NBEA: variants seen among roughly 807,000 people sequenced by gnomAD.
NBEA encodes the protein neurobeachin, also known as lysosomal-trafficking regulator 2.
In NBEA, 44 loss-of-function variants were observed where a neutral mutation model predicts 343.4. The ratio of observed to expected loss-of-function variants is 0.13; its 90% confidence interval spans 0.10 to 0.16. NBEA has a LOEUF of 0.16. NBEA is among the 10% of genes least tolerant of loss of function. The pLI, the probability that NBEA is intolerant of heterozygous loss-of-function variation, is 1.00. For missense variants in NBEA, 2,555 were observed against 3,631.3 expected, an observed-to-expected ratio of 0.70 and a Z score of 7.62; for synonymous variants, 1,175 against 1,238.7, an observed-to-expected ratio of 0.95 and a Z score of 1.08.
chr13:35,011,329 A>G (rs1277884486), intron 1 of NBEA, among the ~76,000 whole-genome samples: 3 of 152,206 alleles, frequency 2.0e-5, no homozygotes, highest in Non-Finnish European at 4.4e-5. Flanking sequence ...GTAGAGGAGC[A>G]CTGAGATAAT....
intron 17 of NBEA, among the ~76,000 whole-genome samples, chr13:35,139,959 G>A (rs763531022): frequency 9.2e-5 from 14 of 151,836 alleles, no homozygotes; most frequent in Admixed American, 5.3e-4. Context: ...GGATTTCTTC[G>A]GTAGCTGAAG....
chr13:35,459,759 G>T (rs948425622), intron 40 of NBEA, among the ~76,000 whole-genome samples: 1 of 152,130 alleles, frequency 6.6e-6, no homozygotes, highest in Admixed American at 6.6e-5. Flanking sequence ...GTGGGAAGAC[G>T]AAAGAATTCA....
intron 34 of NBEA, among the ~76,000 whole-genome samples, chr13:35,287,821 C>T (rs2035534478): frequency 6.6e-6 from 1 of 151,872 alleles, no homozygotes; most frequent in African/African-American, 2.4e-5. Context: ...GACTGAATGA[C>T]ACACCTTTGG....
intron 1 of NBEA, among the ~76,000 whole-genome samples, chr13:34,995,423 GAA>G (rs35718599): frequency 2.1e-5 from 3 of 143,670 alleles, no homozygotes; most frequent in East Asian, 4.1e-4. Context: ...CCTGTCTCAA[GAA>G]AAAAAAAAAA....
At chr13:35,112,152 C>T (rs912880607) in intron 13 of NBEA, among the ~76,000 whole-genome samples, 5 of 151,164 alleles carry the variant, frequency 3.3e-5, no homozygotes, top group East Asian at 2.0e-4. Flanking sequence ...CTCCTGACCT[C>T]GTGATACACC....
intron 1 of NBEA, among the ~76,000 whole-genome samples, chr13:34,980,649 G>A (rs1215550748): frequency 2.6e-5 from 4 of 151,654 alleles, no homozygotes; most frequent in Non-Finnish European, 5.9e-5. Flanking sequence ...GTTGAATGTC[G>A]GTGATGAAAA....
chr13:35,411,618 T>C (rs562106070), intron 38 of NBEA, among the ~76,000 whole-genome samples: 1 of 150,562 alleles, frequency 6.6e-6, no homozygotes, highest in African/African-American at 2.4e-5. Flanking sequence ...CACCATGCCC[T>C]GCTAATGTTT....
rs779695857 is a variant in NBEA at position 35,668,539 on chromosome 13, A to G, written c.8813+20A>G. Reference sequence around the variant, plus strand: ...CCAGAGGTGAGCTGCGTCAAGGACAAGTATCATCACTGAGAACTGTCATTG... The same window carrying G: ...CCAGAGGTGAGCTGCGTCAAGGACAGGTATCATCACTGAGAACTGTCATTG... On this transcript the variant is annotated intron_variant, in intron 58 of 58. Coordinates refer to ENST00000379939, the MANE Select transcript of NBEA (RefSeq NM_001385012.1). 5 of 1,563,748 alleles carry G rather than the reference A, an allele frequency of 3.2e-6. No individual in the cohort carries two copies. The highest frequency in any genetic ancestry group is 2.7e-5 in the African/African-American group (2 of 72,800).
chr13:35,141,050 C>T (rs528927221), intron 17 of NBEA, among the ~76,000 whole-genome samples: 175 of 152,208 alleles, frequency 1.1e-3, no homozygotes, highest in Non-Finnish European at 1.5e-3. Context: ...TTTCTCTTCA[C>T]ATTTTATTGG....
chr13:35,475,440 C>T (rs765718562), intron 41 of NBEA: 7 of 1,613,452 alleles, frequency 4.3e-6, no homozygotes, highest in East Asian at 4.5e-5. Context: ...CCTCCGCGAA[C>T]TGCAGCACCC....
chr13:34,971,169 C>G (rs2059986460), intron 1 of NBEA, among the ~76,000 whole-genome samples: 1 of 151,946 alleles, frequency 6.6e-6, no homozygotes, highest in Non-Finnish European at 1.5e-5. Context: ...TGGTTTGGCT[C>G]TCAGTGGGAC....
chr13:35,501,508 A>G (rs1205980433), intron 41 of NBEA, among the ~76,000 whole-genome samples: 2 of 152,150 alleles, frequency 1.3e-5, no homozygotes, highest in Non-Finnish European at 2.9e-5. Context: ...AGTTTTATAA[A>G]GTCTCTGATT....
intron 41 of NBEA, among the ~76,000 whole-genome samples, chr13:35,485,108 T>A (rs975881542): frequency 6.6e-6 from 1 of 152,122 alleles, no homozygotes; most frequent in African/African-American, 2.4e-5. Flanking sequence ...TTTAAATACA[T>A]ATTACCAATT....
At chr13:35,559,245 CTCT>C (rs2079737590) in intron 44 of NBEA, among the ~76,000 whole-genome samples, 1 of 152,174 alleles carries the variant, frequency 6.6e-6, no homozygotes, top group Non-Finnish European at 1.5e-5. Flanking sequence ...ATCCATTCAT[CTCT>C]TCTTATCAAA....
chr13:35,322,063 C>A (rs891830349), intron 36 of NBEA, among the ~76,000 whole-genome samples: 15 of 152,096 alleles, frequency 9.9e-5, no homozygotes, highest in African/African-American at 3.1e-4. Flanking sequence ...TGAGCTAGAC[C>A]ACCTGGCTTC....
At chr13:35,077,788 G>T (rs2064185955) in intron 10 of NBEA, among the ~76,000 whole-genome samples, 1 of 152,106 alleles carries the variant, frequency 6.6e-6, no homozygotes, top group Non-Finnish European at 1.5e-5. Context: ...ATTTGGTCAT[G>T]CTTACTTATC....
intron 40 of NBEA, among the ~76,000 whole-genome samples, chr13:35,472,076 T>C (rs542446266): frequency 1.1e-4 from 16 of 152,194 alleles, no homozygotes; most frequent in African/African-American, 3.6e-4. Context: ...CAATGGAGAA[T>C]TGGGGCATTT....
At chr13:35,054,643 CT>C (rs1186551019) in intron 6 of NBEA, among the ~76,000 whole-genome samples, 167 of 117,444 alleles carry the variant, frequency 1.4e-3, no homozygotes, top group East Asian at 2.0e-3. Flanking sequence ...GTTTTCTTTT[CT>C]TTTTTTTTTT....
intron 36 of NBEA, among the ~76,000 whole-genome samples, chr13:35,339,059 TG>T (rs1259074281): frequency 1.3e-5 from 2 of 152,138 alleles, no homozygotes; most frequent in African/African-American, 4.8e-5. Context: ...TGCTTATTTA[TG>T]AAAGACTGAA....
Sources: gnomAD v4.1 joint callset for allele counts (sites outside exome capture counted in the v4.1 genomes callset) on GRCh38, gnomAD v4.1.1 for gene constraint, MANE v1.5 for transcripts, NCBI Gene and HGNC (gene_info 2026-07-23, HGNC 2026-07-21) for gene names.